Variants in FNDC1 observed in about 807,000 individuals in gnomAD.
The protein encoded by FNDC1 is fibronectin type III domain containing 1.
Under a neutral mutation model 168.0 loss-of-function variants are expected in FNDC1, and 96 were observed. The observed-to-expected ratio is 0.57, with a 90% CI of 0.48 to 0.68. The LOEUF (loss-of-function observed/expected upper bound fraction) is 0.68. FNDC1 is among the 30% of genes least tolerant of loss of function. FNDC1 has a pLI of 0.00. For missense variants in FNDC1, 2,587 were observed against 2,482.1 expected (o/e 1.04, Z -0.90); for synonymous variants, 1,099 against 1,025.9 (o/e 1.07, Z -1.36).
At chr6:159,221,526 C>T (rs2114975725) in intron 5 of FNDC1, 72 bp from the exon 6 acceptor site, 1 of 1,229,882 alleles carries the variant, frequency 8.1e-7, no homozygotes, top group Admixed American at 1.7e-5. Context: ...AGAACCCCCG[C>T]TCCAGCCCCA....
intron 3 of FNDC1, 118 bp from the exon 4 acceptor site, chr6:159,200,395 G>A (rs984706145): frequency 1.2e-6 from 1 of 809,734 alleles, no homozygotes; most frequent in African/African-American, 1.7e-5. Flanking sequence ...TATGGGCTGA[G>A]CAGATCCTTT....
intron 18 of FNDC1, among the ~76,000 whole-genome samples, chr6:159,259,288 A>G (rs1040944292): frequency 3.3e-5 from 5 of 152,172 alleles, no homozygotes; most frequent in African/African-American, 1.2e-4. Flanking sequence ...GCATATTTAA[A>G]TTTACTTTGA....
At chr6:159,234,797 C>T (rs1386178987) in intron 11 of FNDC1, among the ~76,000 whole-genome samples, 1 of 152,250 alleles carries the variant, frequency 6.6e-6, no homozygotes, top group Non-Finnish European at 1.5e-5. Context: ...ATTCCACAGT[C>T]TTTTCACTGT....
chr6:159,261,913 G>C (rs1321206996), intron 19 of FNDC1, among the ~76,000 whole-genome samples: 4 of 151,306 alleles, frequency 2.6e-5, no homozygotes, highest in African/African-American at 9.7e-5. Flanking sequence ...ACCAGCTTGA[G>C]CAACACAGGG....
chr6:159,263,407 A>AT (rs907751588), intron 19 of FNDC1, among the ~76,000 whole-genome samples: 5 of 152,072 alleles, frequency 3.3e-5, no homozygotes, highest in African/African-American at 1.2e-4. Context: ...ACTGTATGAT[A>AT]TTTTTTTCAA....
intron 14 of FNDC1, among the ~76,000 whole-genome samples, chr6:159,242,657 C>G (rs1330406024): frequency 6.6e-6 from 1 of 152,012 alleles, no homozygotes; most frequent in Non-Finnish European, 1.5e-5. Flanking sequence ...TTTTCATCAC[C>G]CCAGGAGAAA....
chr6:159,221,734 T>C (rs1351398361), intron 6 of FNDC1, 38 bp downstream of exon 6: 13 of 1,410,646 alleles, frequency 9.2e-6, no homozygotes, highest in Middle Eastern at 1.8e-4. Flanking sequence ...AACCATAGTC[T>C]GGTATGAATG....
At chr6:159,269,346 C>CT (rs1777677315) in intron 22 of FNDC1, among the ~76,000 whole-genome samples, 7 of 28,668 alleles carry the variant, frequency 2.4e-4, no homozygotes, top group Admixed American at 9.2e-4. Flanking sequence ...TCTATCTATC[C>CT]ATTTGTTTAT....
Position 159,267,937 on chromosome 6 carries a change from C to A in FNDC1, c.5569+11C>A, listed in dbSNP as rs1362043990. 1 of 1,603,878 alleles carries A rather than the reference C, an allele frequency of 6.2e-7. No individual in the cohort carries two copies. Among genetic ancestry groups the A allele is most frequent in the Middle Eastern group, 1.7e-4 (1 of 6,048 alleles). On this transcript the variant is annotated intron_variant, in intron 22 of 22. Coordinates refer to ENST00000297267, the MANE Select transcript of FNDC1 (RefSeq NM_032532.3). ...TCCCTACTATTCAAGGTAATACAAA[C>A]AAATGCCTGATATATTATCCTAGGA... is the stretch of plus-strand genomic sequence containing the variant.
intron 1 of FNDC1, among the ~76,000 whole-genome samples, chr6:159,171,945 C>T (rs1781670402): frequency 6.6e-6 from 1 of 152,130 alleles, no homozygotes; most frequent in Non-Finnish European, 1.5e-5. Flanking sequence ...TTGACATTTG[C>T]ACTGAGGGTG....
intron 18 of FNDC1, among the ~76,000 whole-genome samples, chr6:159,260,972 C>A (rs1777470633): frequency 6.6e-6 from 1 of 152,206 alleles, no homozygotes; most frequent in African/African-American, 2.4e-5. Context: ...TGCCATTAGC[C>A]ATGTGTCCCT....
At position 159,267,804 on chromosome 6, in the gene FNDC1, A is replaced by T; in HGVS notation, c.5447A>T (p.Asp1816Val). 3 of 1,613,818 alleles carry T rather than the reference A, an allele frequency of 1.9e-6. No homozygotes were observed. The highest frequency in any genetic ancestry group is 1.7e-5 in the Admixed American group (1 of 59,994). ...GGACTCAATCAATTCCTTCATGCAG[A>T]TACATTCTACAGCATTGGAGACAGC... ...YKIYLSDNLK[D>V]TFYSIGDSWG... is the part of the protein sequence containing the mutation. The change falls in exon 22 of 23, where the codon GAT becomes GTT. Residue 1816 changes from aspartate to valine, a missense_variant and splice_region_variant. Coordinates refer to ENST00000297267, the MANE Select transcript of FNDC1 (RefSeq NM_032532.3).
chr6:159,259,094 C>A (rs1777429215), intron 18 of FNDC1, among the ~76,000 whole-genome samples: 1 of 152,304 alleles, frequency 6.6e-6, no homozygotes, highest in South Asian at 2.1e-4. Context: ...ATGATTGAGG[C>A]TGTTCAAAAG....
intron 18 of FNDC1, among the ~76,000 whole-genome samples, chr6:159,258,343 C>T (rs1245640503): frequency 3.9e-5 from 6 of 152,226 alleles, no homozygotes; most frequent in Middle Eastern, 3.4e-3. Context: ...TGTACATCTC[C>T]AAGTACATCA....
rs151084646 is a variant in FNDC1 at position 159,191,114 on chromosome 6, A to G, written c.110-6317A>G. ...GGGGAGGTGCCACATATTTTCAAATAACCATATCTTGTGAGGCTATCATGG... is the reference window on the plus strand; with the variant it reads ...GGGGAGGTGCCACATATTTTCAAATGACCATATCTTGTGAGGCTATCATGG... On this transcript the variant is annotated intron_variant, in intron 1 of 22. Transcript: ENST00000297267. Among the ~76,000 whole-genome samples, 707 of 152,322 alleles carry G rather than the reference A, an allele frequency of 4.6e-3. 1 individual carries two copies. Among genetic ancestry groups the G allele is most frequent in the Middle Eastern group, 0.014 (4 of 294 alleles).
intron 17 of FNDC1, among the ~76,000 whole-genome samples, chr6:159,252,409 A>G (rs561776052): frequency 8.5e-5 from 13 of 152,332 alleles, no homozygotes; most frequent in African/African-American, 3.1e-4. Flanking sequence ...ATTATATCTT[A>G]CAATGAAAAA....
chr6:159,251,243 G>T (rs1777253095), intron 16 of FNDC1, 59 bp from the exon 17 acceptor site: 1 of 1,294,758 alleles, frequency 7.7e-7, no homozygotes, highest in Non-Finnish European at 1.1e-6. Flanking sequence ...CAGATGCTAT[G>T]TTTCTGCCTC....
chr6:159,219,128 C>G (rs964738454), intron 5 of FNDC1, among the ~76,000 whole-genome samples: 2 of 152,032 alleles, frequency 1.3e-5, no homozygotes, highest in African/African-American at 2.4e-5. Context: ...GCAACCTCCC[C>G]CTCCCGGGTT....
chr6:159,201,885 G>C (rs185482978), intron 4 of FNDC1, among the ~76,000 whole-genome samples: 131 of 152,222 alleles, frequency 8.6e-4, no homozygotes, highest in Admixed American at 1.8e-3. Context: ...AATGACAATA[G>C]CTTTAGAACA....
Sources: allele counts gnomAD v4.1 joint callset (sites outside exome capture counted in the v4.1 genomes callset), GRCh38; gene constraint gnomAD v4.1.1; transcripts MANE v1.5; gene names NCBI Gene and HGNC (gene_info 2026-07-23, HGNC 2026-07-21).